The following IQSEC1 variants were observed in gnomAD, a reference collection of about 807,000 sequenced individuals.
IQSEC1 encodes the protein IQ motif and Sec7 domain ArfGEF 1.
Under a neutral mutation model 91.0 loss-of-function variants are expected in IQSEC1, and 31 were observed. The observed-to-expected ratio is 0.34, with a 90% CI of 0.26 to 0.46. The LOEUF (loss-of-function observed/expected upper bound fraction) is 0.46, where lower values mean the gene tolerates loss of function less well. Ranked by LOEUF, IQSEC1 falls within the 20% of genes least tolerant of loss-of-function variation. IQSEC1 has a pLI of 1.00. For missense variants in IQSEC1, 1,388 were observed against 1,575.6 expected, an observed-to-expected ratio of 0.88 and a Z score of 2.02; for synonymous variants, 699 against 662.6, an observed-to-expected ratio of 1.05 and a Z score of -0.84.
At chr3:12,902,658 CA>C (rs63063761) in intron 13 of IQSEC1, 114 bp downstream of exon 13, 124,422 of 266,684 alleles carry the variant, frequency 0.47, 30,494 homozygotes, top group African/African-American at 0.51. Flanking sequence ...AAAAAAACAA[CA>C]AAAAAAAAAC....
At chr3:13,039,280 G>T (rs539372016) in intron 1 of IQSEC1, among the ~76,000 whole-genome samples, 11 of 152,312 alleles carry the variant, frequency 7.2e-5, no homozygotes, top group African/African-American at 2.6e-4. Context: ...TGAAATAAGC[G>T]GCTCTGCTCC....
chr3:13,152,180 C>T (rs1707011734), intron 2 of IQSEC1, among the ~76,000 whole-genome samples: 1 of 152,056 alleles, frequency 6.6e-6, no homozygotes, highest in Admixed American at 6.5e-5. Context: ...AAAACGTATG[C>T]GGCAATATGG....
intron 2 of IQSEC1, among the ~76,000 whole-genome samples, chr3:13,116,241 T>C (rs982175350): frequency 2.0e-5 from 3 of 152,168 alleles, no homozygotes; most frequent in Non-Finnish European, 2.9e-5. Context: ...GGGCAGCCGA[T>C]GGGGCCGTGC....
chr3:12,934,537 C>T (rs1312369849), intron 3 of IQSEC1, among the ~76,000 whole-genome samples: 2 of 152,136 alleles, frequency 1.3e-5, no homozygotes, highest in African/African-American at 4.8e-5. Flanking sequence ...GTCGTCTGCC[C>T]CTGGCTCCCC....
chr3:13,020,411 G>C (rs575020189), intron 1 of IQSEC1, among the ~76,000 whole-genome samples: 2 of 152,156 alleles, frequency 1.3e-5, no homozygotes, highest in African/African-American at 2.4e-5. Context: ...CCCAAGACCC[G>C]CCATTGAGGC....
rs750522824 is a variant in IQSEC1 at position 12,936,347 on chromosome 3, G to A, written c.669C>T (p.Thr223=). The part of the protein sequence containing the change: ...APSSDFADAI[T]ELEDAFSRQV... ...GCCTAGAGAAGGCGTCCTCCAGCTC[G>A]GTGATGGCGTCCGCAAAGTCACTGG... is the stretch of plus-strand genomic sequence containing the variant. The change falls in exon 3 of 14, where the codon ACC becomes ACT. Residue 223 remains threonine, a synonymous_variant. Transcript: ENST00000613206. 2.1e-5 allele frequency: 34 copies of A among 1,606,440 alleles called. No individual in the cohort carries two copies. The highest frequency in any genetic ancestry group is 2.7e-5 in the African/African-American group (2 of 74,812).
At position 13,197,079 on chromosome 3, in the gene IQSEC1, T is replaced by C. The variant is rs182056001; in HGVS notation, c.273-32946A>G. 1.6e-3 allele frequency among the ~76,000 whole-genome samples: 248 copies of C among 152,142 alleles called. 1 individual carries two copies. The highest frequency in any genetic ancestry group is 5.8e-3 in the African/African-American group (239 of 41,504). ...CTGTGCCCTGGGACACTGTGGACCA[T>C]AGACCAAGACAGCAAGGACATCAAA... On this transcript the variant is annotated intron_variant, in intron 1 of 15. Transcript: ENST00000648114.
At chr3:13,277,460 T>C (rs2125154603) in intron 1 of IQSEC1, among the ~76,000 whole-genome samples, 1 of 152,370 alleles carries the variant, frequency 6.6e-6, no homozygotes, top group East Asian at 1.9e-4. Context: ...CATGGTTTAT[T>C]TTCCAGGTTG....
chr3:13,065,480 T>C (rs1458324298), intron 1 of IQSEC1, among the ~76,000 whole-genome samples: 1 of 152,244 alleles, frequency 6.6e-6, no homozygotes, highest in Admixed American at 6.5e-5. Context: ...TTTTGTAAGC[T>C]AAACTTCATC....
At chr3:13,153,607 A>G (rs93201) in intron 2 of IQSEC1, among the ~76,000 whole-genome samples, 50,666 of 152,046 alleles carry the variant, frequency 0.33, 9,015 homozygotes, top group East Asian at 0.53. Flanking sequence ...CTCCTGGCCA[A>G]TTCCTGTGGT....
chr3:12,899,369 G>GCAGTCCTCGGGTCC lies in IQSEC1; in HGVS notation c.*1600_*1613dup, dbSNP rs1559589925. Reference sequence around the variant, plus strand: ...CCTCCGCCTGGGCAGGCGCCGGGGGGCAGTCCTCGGGTCCCATGGCTTAGG... The same window carrying GCAGTCCTCGGGTCC: ...CCTCCGCCTGGGCAGGCGCCGGGGGGCAGTCCTCGGGTCCCAGTCCTCGGGTCCCATGGCTTAGG... On this transcript the variant is annotated 3_prime_UTR_variant, in exon 14 of 14. Transcript: ENST00000613206. The GCAGTCCTCGGGTCC allele has an allele frequency of 1.2e-6, 2 of 1,612,200 alleles. No individual in the cohort carries two copies. The highest frequency in any genetic ancestry group is 1.7e-5 in the Admixed American group (1 of 59,938).
intron 1 of IQSEC1, among the ~76,000 whole-genome samples, chr3:13,171,929 G>C (rs938599743): frequency 6.6e-6 from 1 of 152,132 alleles, no homozygotes; most frequent in Non-Finnish European, 1.5e-5. Flanking sequence ...AGGCTTCTGG[G>C]AGGCGAGCTG....
In IQSEC1 at chr3:13,017,786, C is replaced by T. The variant is rs542301628; in HGVS notation, c.23+55206G>A. On this transcript the variant is annotated intron_variant, in intron 1 of 13. Coordinates refer to ENST00000613206, the MANE Select transcript of IQSEC1 (RefSeq NM_001134382.3). The stretch of plus-strand genomic sequence containing the variant: ...AGGGCTGAGGCAATGGTGAGGCCCA[C>T]GGGTGAAAGGGGAAAGCAGCCATAA... 1.1e-4 allele frequency among the ~76,000 whole-genome samples: 17 copies of T among 152,194 alleles called. No homozygotes were observed. In the South Asian group the frequency reaches 1.9e-3, roughly 17 times the overall value.
intron 1 of IQSEC1, among the ~76,000 whole-genome samples, chr3:13,182,887 G>A (rs115780941): frequency 4.4e-4 from 67 of 152,252 alleles, no homozygotes; most frequent in Middle Eastern, 3.4e-3. Flanking sequence ...AAAGTAGGCC[G>A]GTCGCAGTGG....
intron 1 of IQSEC1, among the ~76,000 whole-genome samples, chr3:13,058,166 AGGAG>A (rs907608170): frequency 3.7e-4 from 57 of 152,226 alleles, no homozygotes; most frequent in African/African-American, 1.2e-3. Context: ...CCAGCAACTC[AGGAG>A]GCTGAGGTAT....
chr3:13,278,541 G>T (rs1003403415), intron 1 of IQSEC1, among the ~76,000 whole-genome samples: 1 of 152,194 alleles, frequency 6.6e-6, no homozygotes, highest in South Asian at 2.1e-4. Context: ...GGGGGAGGCT[G>T]GGTGTGGTGG....
At chr3:13,256,164 A>G (rs574161079) in intron 1 of IQSEC1, among the ~76,000 whole-genome samples, 2 of 152,206 alleles carry the variant, frequency 1.3e-5, no homozygotes, top group Non-Finnish European at 2.9e-5. Flanking sequence ...TCATAGGTAC[A>G]GAGTTTCTGT....
chr3:13,023,812 T>G (rs1703502082), intron 1 of IQSEC1, among the ~76,000 whole-genome samples: 1 of 152,158 alleles, frequency 6.6e-6, no homozygotes, highest in Admixed American at 6.5e-5. Context: ...CAAATTCTTC[T>G]CCCTGTCATC....
chr3:12,932,017 G>A (rs1457057234), intron 3 of IQSEC1, among the ~76,000 whole-genome samples: 2 of 152,246 alleles, frequency 1.3e-5, no homozygotes, highest in African/African-American at 4.8e-5. Context: ...TGGGGCCAAG[G>A]ATGCTCTTGC....
Sources: allele counts gnomAD v4.1 joint callset (sites outside exome capture counted in the v4.1 genomes callset), GRCh38; gene constraint gnomAD v4.1.1; transcripts MANE v1.5; gene names NCBI Gene and HGNC (gene_info 2026-07-23, HGNC 2026-07-21).